Variants in DCTN3 observed in about 807,000 individuals in gnomAD.
DCTN3 encodes dynactin 3 (p22).
Under a neutral mutation model 28.4 loss-of-function variants are expected in DCTN3, and 25 were observed. The observed-to-expected ratio is 0.88, with a 90% CI of 0.64 to 1.23. The LOEUF is 1.23. DCTN3 is among the 50% of genes most tolerant of loss of function. The pLI, the probability that DCTN3 is intolerant of heterozygous loss-of-function variation, is 0.00. For missense variants in DCTN3, 229 were observed against 232.0 expected (o/e 0.99, Z 0.08); for synonymous variants, 81 against 91.4 (o/e 0.89, Z 0.65).
At chr9:34,619,889 G>C (rs1158153045) in intron 1 of DCTN3, among the ~76,000 whole-genome samples, 1 of 152,184 alleles carries the variant, frequency 6.6e-6, no homozygotes, top group Non-Finnish European at 1.5e-5. Flanking sequence ...CCAGTACCCA[G>C]TCTCTTCCCT....
chr9:34,616,250 C>T lies in DCTN3; in HGVS notation c.269-137G>A. 1 of 629,400 alleles carries T rather than the reference C, an allele frequency of 1.6e-6. No individual in the cohort carries two copies. Among genetic ancestry groups the T allele is most frequent in the East Asian group, 2.9e-5 (1 of 34,700 alleles). The allele number at this position is 629,400 out of a possible 1,614,324, so 39.0% of individuals were successfully genotyped here. A position where few individuals can be genotyped will look rare whatever the true frequency, so the allele number is the denominator to read the frequency against. On this transcript the variant is annotated intron_variant, in intron 3 of 6. Transcript: ENST00000259632. The surrounding 1 kb of genome is among the most constrained non-coding windows in gnomAD (Gnocchi z 4.7). The stretch of plus-strand genomic sequence containing the variant: ...TGGACAGTGACTCTGTCCACTGCCC[C>T]CTTCTCTAGGTGCACATTTCCATCC...
At chr9:34,618,886 T>A in intron 1 of DCTN3, 126 bp from the exon 2 acceptor site, 2 of 726,766 alleles carry the variant, frequency 2.8e-6, no homozygotes, top group Non-Finnish European at 4.9e-6. Flanking sequence ...GCCTCCCTTC[T>A]CTAATATTAA....
chr9:34,617,057 G>A (rs548343069), intron 3 of DCTN3, among the ~76,000 whole-genome samples: 4 of 152,286 alleles, frequency 2.6e-5, no homozygotes, highest in African/African-American at 9.6e-5. Context: ...TGGAGAGGCT[G>A]GACTCAAGAG....
Position 34,620,475 on chromosome 9 carries a change from G to A in DCTN3, c.-11C>T. 6.5e-7 allele frequency: 1 copy of A among 1,548,126 alleles called. No individual in the cohort carries two copies. Among genetic ancestry groups the A allele is most frequent in the Non-Finnish European group, 8.7e-7 (1 of 1,146,788 alleles). ...AGTCAGACCCGCCATCGCTACTACC[G>A]ACCCACCTCGGCCAGGAAACAGCCA... On this transcript the variant is annotated 5_prime_UTR_variant, in exon 1 of 7. Coordinates refer to ENST00000259632, the MANE Select transcript of DCTN3 (RefSeq NM_007234.5).
At chr9:34,620,289 A>T in intron 1 of DCTN3, 80 bp downstream of exon 1, 1 of 1,229,336 alleles carries the variant, frequency 8.1e-7, no homozygotes, top group Non-Finnish European at 1.2e-6. Context: ...ACAGGACTGG[A>T]GCGGTTGCAT....
At chr9:34,614,904 C>A in intron 4 of DCTN3, 136 bp from the exon 5 acceptor site, 1 of 1,071,240 alleles carries the variant, frequency 9.3e-7, no homozygotes, top group South Asian at 1.5e-5. Flanking sequence ...TCGACTGCTG[C>A]AGCTGGAGGT....
chr9:34,619,657 A>G (rs1820506502), intron 1 of DCTN3, among the ~76,000 whole-genome samples: 2 of 152,214 alleles, frequency 1.3e-5, no homozygotes, highest in South Asian at 4.1e-4. Context: ...TAGTTCTGAA[A>G]TGGGAGCACA....
At chr9:34,619,719 C>T (rs1265648397) in intron 1 of DCTN3, among the ~76,000 whole-genome samples, 1 of 152,168 alleles carries the variant, frequency 6.6e-6, no homozygotes, top group Non-Finnish European at 1.5e-5. Flanking sequence ...GACATCATTA[C>T]CTTGGACGCA....
chr9:34,614,314 GC>G lies in DCTN3; in HGVS notation c.412-214del, dbSNP rs1040951062. On this transcript the variant is annotated intron_variant, in intron 5 of 6. Transcript: ENST00000259632. ...CCAAAGACGGATGGAAAAGGGAGTG[GC>G]CATACATTAAGTAAACATTCCCCCT... 7 of 1,064,230 alleles carry G rather than the reference GC, an allele frequency of 6.6e-6. No individual in the cohort carries two copies. In the African/African-American group the frequency reaches 1.1e-4, roughly 17 times the overall value. The allele number at this position is 1,064,230 out of a possible 1,614,324, so 65.9% of individuals were successfully genotyped here.
intron 5 of DCTN3, chr9:34,614,348 G>A: frequency 3.9e-6 from 3 of 771,992 alleles, no homozygotes; most frequent in Non-Finnish European, 6.1e-6. Context: ...CCTAGTGTAT[G>A]TCTCTTCTTC....
rs1820358982 is a variant in DCTN3 at position 34,613,864 on chromosome 9, A to C, written c.479T>G (p.Leu160Arg). 1 of 1,614,036 alleles carries C rather than the reference A, an allele frequency of 6.2e-7. No individual in the cohort carries two copies. The highest frequency in any genetic ancestry group is 1.3e-5 in the African/African-American group (1 of 74,938). The change falls in exon 7 of 7, where the codon CTT becomes CGT. Residue 160 changes from leucine to arginine, a missense_variant. Leu to Arg is a moderately radical substitution (Grantham distance 102). Transcript: ENST00000259632. ...CCACTGCACGAATTGCTTGGAGAGA[A>C]GCATTGTCTGGTTGTAGGTCAAGGT... ...LLEEYNKTTM[L>R]LSKQFVQWDE...
Position 34,620,495 on chromosome 9 carries a change from C to T in DCTN3, c.-31G>A. Reference sequence around the variant, plus strand: ...CTACCGACCCACCTCGGCCAGGAAACAGCCAGAGGGCGGGACGTCAGTCCA... The same window carrying T: ...CTACCGACCCACCTCGGCCAGGAAATAGCCAGAGGGCGGGACGTCAGTCCA... On this transcript the variant is annotated 5_prime_UTR_variant, in exon 1 of 7. Transcript: ENST00000259632. The T allele has an allele frequency of 6.5e-6, 10 of 1,540,022 alleles. No homozygotes were observed. The highest frequency in any genetic ancestry group is 8.8e-6 in the Non-Finnish European group (10 of 1,141,106).
chr9:34,615,132 G>C (rs564726602), intron 4 of DCTN3: 1 of 205,192 alleles, frequency 4.9e-6, no homozygotes, highest in African/African-American at 2.3e-5. Flanking sequence ...CTGGCTTAGG[G>C]AACAGGGAGT....
chr9:34,618,601 G>C, intron 2 of DCTN3, 75 bp downstream of exon 2: 1 of 1,162,120 alleles, frequency 8.6e-7, no homozygotes, highest in Non-Finnish European at 1.3e-6. Flanking sequence ...CTAATGAACT[G>C]AAGGGCTAGG....
intron 4 of DCTN3, chr9:34,615,290 C>T (rs539145587): frequency 6.5e-6 from 1 of 154,272 alleles, no homozygotes; most frequent in African/African-American, 2.4e-5. Flanking sequence ...CCTCCACAGA[C>T]AGACAAGATG....
Position 34,616,018 on chromosome 9 carries a change from C to T in DCTN3, c.352+12G>A, listed in dbSNP as rs1440148704. ...CAACCAGAGTAGTGAAGCTATAACC[C>T]CAGAGAGATACCTTTGATGTGAGCA... On this transcript the variant is annotated intron_variant, in intron 4 of 6. Coordinates refer to ENST00000259632, the MANE Select transcript of DCTN3 (RefSeq NM_007234.5). The surrounding 1 kb of genome is among the most constrained non-coding windows in gnomAD (Gnocchi z 4.7). The T allele has an allele frequency of 3.1e-6, 5 of 1,612,788 alleles. No homozygotes were observed. Among genetic ancestry groups the T allele is most frequent in the Non-Finnish European group, 4.2e-6 (5 of 1,178,858 alleles).
Position 34,613,722 on chromosome 9 carries a change from G to C in DCTN3, c.*60C>G, listed in dbSNP as rs982257121. On this transcript the variant is annotated 3_prime_UTR_variant, in exon 7 of 7. Transcript: ENST00000259632. ...CTTCCTCTGCCTTGTAACAAAGGCA[G>C]GTTGGCATAGGGCCCTGGAGCCTGA... 2 of 1,605,866 alleles carry C rather than the reference G, an allele frequency of 1.2e-6. No individual in the cohort carries two copies. Among genetic ancestry groups the C allele is most frequent in the Non-Finnish European group, 1.7e-6 (2 of 1,175,538 alleles).
At chr9:34,614,482 A>G (rs1820376687) in intron 5 of DCTN3, 1 of 626,166 alleles carries the variant, frequency 1.6e-6, no homozygotes, top group African/African-American at 1.8e-5. Context: ...TCCCAGCCTC[A>G]ACCTTATGGT....
intron 6 of DCTN3, 25 bp from the exon 7 acceptor site, chr9:34,613,896 A>T: frequency 6.2e-7 from 1 of 1,614,070 alleles, no homozygotes; most frequent in Non-Finnish European, 8.5e-7. Context: ...AGGTGAGAAT[A>T]GGAATCTGAG....
Sources: allele counts gnomAD v4.1 joint callset (sites outside exome capture counted in the v4.1 genomes callset), GRCh38; gene constraint gnomAD v4.1.1; non-coding constraint Gnocchi (gnomAD v3.1); transcripts MANE v1.5; gene names NCBI Gene and HGNC (gene_info 2026-07-23, HGNC 2026-07-21).